The following ELOVL5 variants were observed in gnomAD, a reference collection of about 807,000 sequenced individuals.
ELOVL5 encodes very long chain fatty acid elongase 5.
A neutral mutation model predicts 38.6 loss-of-function variants in ELOVL5; 8 were observed. The observed-to-expected ratio is 0.21, with a 90% CI of 0.12 to 0.37. The LOEUF (loss-of-function observed/expected upper bound fraction) is 0.37. Among genes scored for constraint, ELOVL5 ranks in the 10% least tolerant of loss-of-function variants. The probability of loss-of-function intolerance (pLI) is 1.00; values close to 1 mark genes in which losing one functional copy is unlikely to be tolerated. For synonymous variants in ELOVL5, 127 were observed against 133.7 expected (o/e 0.95, Z 0.34); for missense variants, 280 against 367.8 (o/e 0.76, Z 1.95).
In ELOVL5 at chr6:53,348,926, G is replaced by C. The variant is rs774254305; in HGVS notation, c.-118C>G. 1.6e-4 allele frequency: 72 copies of C among 441,836 alleles called. No individual in the cohort carries two copies. The highest frequency in any genetic ancestry group is 3.1e-4 in the Non-Finnish European group (68 of 220,214). The allele number at this position is 441,836 out of a possible 1,614,324, so 27.4% of individuals were successfully genotyped here. On this transcript the variant is annotated 5_prime_UTR_variant, in exon 1 of 8. Coordinates refer to ENST00000304434, the MANE Select transcript of ELOVL5 (RefSeq NM_021814.5). ...GCGGATGTAGAAGGAGACACCGGTG[G>C]CTAGGACCCGCGCGATGGGAAGAGG...
intron 2 of ELOVL5, among the ~76,000 whole-genome samples, chr6:53,293,864 G>C (rs1041704799): frequency 3.3e-5 from 5 of 152,188 alleles, no homozygotes; most frequent in Admixed American, 6.5e-5. Context: ...TATGGTCACG[G>C]AGGGTGTTAC....
intron 2 of ELOVL5, 85 bp from the exon 3 acceptor site, chr6:53,292,048 T>C (rs893081258): frequency 5.9e-5 from 48 of 813,934 alleles, no homozygotes; most frequent in Admixed American, 3.0e-5. Flanking sequence ...CATGATGATA[T>C]AAAAGTCACC....
chr6:53,294,281 G>T (rs1766895994), intron 2 of ELOVL5: 5 of 1,561,096 alleles, frequency 3.2e-6, no homozygotes, highest in Non-Finnish European at 3.5e-6. Flanking sequence ...CTGGTGGCTG[G>T]TTCAGGCAGG....
At chr6:53,270,534 T>C (rs953057750) in intron 7 of ELOVL5, 59 bp downstream of exon 7, 3 of 1,575,988 alleles carry the variant, frequency 1.9e-6, no homozygotes, top group Admixed American at 1.7e-5. Flanking sequence ...AGTAAATAGA[T>C]GAGGGCCTTT....
At chr6:53,308,593 T>C (rs985398124) in intron 1 of ELOVL5, among the ~76,000 whole-genome samples, 2 of 152,216 alleles carry the variant, frequency 1.3e-5, no homozygotes, top group African/African-American at 4.8e-5. Flanking sequence ...CTAGAAATTC[T>C]AATTCAATAG....
intron 1 of ELOVL5, among the ~76,000 whole-genome samples, chr6:53,312,850 C>T (rs1389598868): frequency 6.6e-6 from 1 of 152,128 alleles, no homozygotes; most frequent in Non-Finnish European, 1.5e-5. Flanking sequence ...TTTTTTGGCA[C>T]CTGTAACTGT....
At chr6:53,285,914 T>A (rs1766551437) in intron 3 of ELOVL5, among the ~76,000 whole-genome samples, 1 of 152,216 alleles carries the variant, frequency 6.6e-6, no homozygotes, top group Admixed American at 6.5e-5. Context: ...CCAGCATTTT[T>A]AAATTTAGGT....
At chr6:53,344,958 G>T (rs544602077) in intron 1 of ELOVL5, among the ~76,000 whole-genome samples, 1 of 152,178 alleles carries the variant, frequency 6.6e-6, no homozygotes, top group Non-Finnish European at 1.5e-5. Context: ...TCATCCATTC[G>T]GTCCTTAAAA....
At chr6:53,341,513 T>G (rs1359317972) in intron 1 of ELOVL5, among the ~76,000 whole-genome samples, 1 of 152,198 alleles carries the variant, frequency 6.6e-6, no homozygotes, top group South Asian at 2.1e-4. Flanking sequence ...GACTTAACCT[T>G]TATCTTAGTT....
intron 2 of ELOVL5, chr6:53,294,229 A>C: frequency 6.7e-7 from 1 of 1,501,344 alleles, no homozygotes; most frequent in African/African-American, 1.4e-5. Context: ...CCAGGTAGAG[A>C]ATCCTTAGGA....
intron 2 of ELOVL5, among the ~76,000 whole-genome samples, chr6:53,293,851 T>C (rs1213740226): frequency 6.6e-6 from 1 of 152,196 alleles, no homozygotes; most frequent in Non-Finnish European, 1.5e-5. Context: ...CCACTAGTTA[T>C]GCTATGGTCA....
Position 53,276,520 on chromosome 6 carries a change from A to C in ELOVL5, c.247-264T>G, listed in dbSNP as rs114680031. On this transcript the variant is annotated intron_variant, in intron 3 of 7. Transcript: ENST00000304434. ...CCTTTACCACGCTGCTTCTCTGCAG[A>C]ACCCTCAGCCCGTCACCCCCTTGGT... Among the ~76,000 whole-genome samples the C allele has an allele frequency of 6.9e-3, 1,050 of 152,248 alleles. 4 individuals are homozygous for C. Among genetic ancestry groups the C allele is most frequent in the Non-Finnish European group, 0.011 (754 of 68,000 alleles).
chr6:53,310,734 C>T (rs1007978761), intron 1 of ELOVL5, among the ~76,000 whole-genome samples: 1 of 152,152 alleles, frequency 6.6e-6, no homozygotes, highest in East Asian at 1.9e-4. Context: ...AGCCACTGCA[C>T]CCAGCCAATC....
At chr6:53,275,041 C>T (rs1766059915) in intron 5 of ELOVL5, 49 bp downstream of exon 5, 9 of 1,567,974 alleles carry the variant, frequency 5.7e-6, no homozygotes, top group Non-Finnish European at 7.8e-6. Context: ...AGTTTCAACT[C>T]TCCTCCCTGC....
At chr6:53,283,391 T>TATAA (rs1561866770) in intron 3 of ELOVL5, among the ~76,000 whole-genome samples, 1 of 152,182 alleles carries the variant, frequency 6.6e-6, no homozygotes, top group Non-Finnish European at 1.5e-5. Context: ...ACTTCTGTTT[T>TATAA]AGGAGGTAAA....
At chr6:53,314,007 A>G (rs1247544818) in intron 1 of ELOVL5, among the ~76,000 whole-genome samples, 1 of 152,238 alleles carries the variant, frequency 6.6e-6, no homozygotes, top group Non-Finnish European at 1.5e-5. Context: ...CCTCCTTGGA[A>G]ATTATCCAGC....
chr6:53,327,810 T>C lies in ELOVL5; in HGVS notation c.-9+21007A>G, dbSNP rs550423095. Among the ~76,000 whole-genome samples the C allele has an allele frequency of 7.2e-4, 110 of 152,332 alleles. 6 individuals are homozygous for C. Among genetic ancestry groups the C allele is most frequent in the Non-Finnish European group, 2.1e-4 (14 of 68,018 alleles). ...TCTTTTCCCGTTTCTTTCAAGAATT[T>C]ATTCATCTCCCATCTGCCTTTTACC... is the stretch of plus-strand genomic sequence containing the variant. On this transcript the variant is annotated intron_variant, in intron 1 of 7. Coordinates refer to ENST00000304434, the MANE Select transcript of ELOVL5 (RefSeq NM_021814.5).
Position 53,289,446 on chromosome 6 carries a change from C to T in ELOVL5, c.246+2330G>A, listed in dbSNP as rs149852403. On this transcript the variant is annotated intron_variant, in intron 3 of 7. Transcript: ENST00000304434. Reference sequence around the variant, plus strand: ...GTATAAAAAGAAAAATGGCCGGGTGCGGTGGCTCACGCCTGTAATCCCTGC... The same window carrying T: ...GTATAAAAAGAAAAATGGCCGGGTGTGGTGGCTCACGCCTGTAATCCCTGC... 8.7e-4 allele frequency among the ~76,000 whole-genome samples: 133 copies of T among 152,248 alleles called. No individual in the cohort carries two copies. In the East Asian group the frequency reaches 0.02, roughly 23 times the overall value.
intron 1 of ELOVL5, among the ~76,000 whole-genome samples, chr6:53,338,759 G>A (rs574082347): frequency 8.5e-4 from 129 of 152,352 alleles, no homozygotes; most frequent in African/African-American, 2.9e-3. Context: ...ACAGGCAACT[G>A]CTGATGGTTC....
Sources: gnomAD v4.1 joint callset for allele counts (sites outside exome capture counted in the v4.1 genomes callset) on GRCh38, gnomAD v4.1.1 for gene constraint, MANE v1.5 for transcripts, NCBI Gene and HGNC (gene_info 2026-07-23, HGNC 2026-07-21) for gene names.